CDH13: variants seen among roughly 807,000 people sequenced by gnomAD.
The protein encoded by CDH13 is cadherin-13.
A neutral mutation model predicts 63.8 loss-of-function variants in CDH13; 24 were observed. The ratio of observed to expected loss-of-function variants is 0.38; its 90% CI spans 0.27 to 0.53. CDH13 has a LOEUF of 0.53. Among genes scored for constraint, CDH13 ranks in the 20% least tolerant of loss-of-function variants. The pLI is 0.85. For synonymous variants in CDH13, 503 were observed against 355.3 expected, an observed-to-expected ratio of 1.42 and a Z score of -4.67; for missense variants, 1,049 against 903.1, an observed-to-expected ratio of 1.16 and a Z score of -2.07.
intron 5 of CDH13, among the ~76,000 whole-genome samples, chr16:83,266,601 G>A (rs936990173): frequency 2.6e-5 from 4 of 152,018 alleles, no homozygotes; most frequent in Admixed American, 6.5e-5. Context: ...CACACTCCAG[G>A]GAATACCTAA....
rs981439214 is a variant in CDH13, at chr16:82,782,484, G to A, written c.46-75878G>A. ...GGAGAGTCACTTGAACTCGGGAGGC[G>A]GAGGTTGCAGTGAGCCAAGATCGTA... On this transcript the variant is annotated intron_variant, in intron 1 of 13. Transcript: ENST00000567109. 5.9e-5 allele frequency among the ~76,000 whole-genome samples: 9 copies of A among 151,898 alleles called. No homozygotes were observed. The East Asian group carries it at 7.8e-4, about 13-fold the overall frequency.
intron 1 of CDH13, among the ~76,000 whole-genome samples, chr16:82,679,859 A>G (rs768238871): frequency 6.6e-6 from 1 of 152,238 alleles, no homozygotes; most frequent in Non-Finnish European, 1.5e-5. Flanking sequence ...CAGATGTGGA[A>G]CAAGTTTTTA....
intron 6 of CDH13, among the ~76,000 whole-genome samples, chr16:83,417,235 C>T (rs1189820092): frequency 6.6e-6 from 1 of 152,194 alleles, no homozygotes; most frequent in Non-Finnish European, 1.5e-5. Context: ...TTGACCTGGG[C>T]TTCCCTGCTC....
intron 2 of CDH13, among the ~76,000 whole-genome samples, chr16:82,998,390 G>A (rs187918494): frequency 1.7e-4 from 26 of 152,282 alleles, no homozygotes; most frequent in African/African-American, 3.4e-4. Flanking sequence ...TATCACTTTC[G>A]TGAAGTTCTT....
intron 2 of CDH13, among the ~76,000 whole-genome samples, chr16:82,942,757 G>C (rs1204324071): frequency 3.3e-5 from 5 of 152,182 alleles, no homozygotes; most frequent in Non-Finnish European, 5.9e-5. Flanking sequence ...GAGAACATGT[G>C]ATATGCCCAA....
rs138516363 is a variant in CDH13 at position 83,253,819 on chromosome 16, A to C, written c.636+36322A>C. Among the ~76,000 whole-genome samples the C allele has an allele frequency of 2.5e-4, 38 of 152,372 alleles. No homozygotes were observed. The South Asian group carries it at 3.5e-3, about 14-fold the overall frequency. On this transcript the variant is annotated intron_variant, in intron 5 of 13. Coordinates refer to ENST00000567109, the MANE Select transcript of CDH13 (RefSeq NM_001257.5). ...CAGCTGCCTGTGGACATGTGCAGGC[A>C]CATCCATGTAATATATTAATATAAT...
At chr16:83,286,517 A>T (rs1175767937) in intron 5 of CDH13, among the ~76,000 whole-genome samples, 1 of 152,106 alleles carries the variant, frequency 6.6e-6, no homozygotes, top group Admixed American at 6.5e-5. Flanking sequence ...GCACTTTGGG[A>T]GGCCAAGGCA....
chr16:83,096,185 A>AT (rs1438298634), intron 3 of CDH13, among the ~76,000 whole-genome samples: 3 of 152,214 alleles, frequency 2.0e-5, no homozygotes, highest in African/African-American at 7.2e-5. Context: ...GTACCAGGCT[A>AT]TGTGTGGACT....
chr16:83,212,805 T>C (rs1027475405), intron 4 of CDH13, among the ~76,000 whole-genome samples: 4 of 152,194 alleles, frequency 2.6e-5, no homozygotes, highest in Non-Finnish European at 5.9e-5. Flanking sequence ...CCCTGATTTC[T>C]GATACAAGAG....
chr16:83,637,059 T>C (rs1911327911), intron 8 of CDH13, among the ~76,000 whole-genome samples: 1 of 152,232 alleles, frequency 6.6e-6, no homozygotes, highest in African/African-American at 2.4e-5. Context: ...ATATGTCTTC[T>C]CTTGAGACAT....
At chr16:83,024,120 C>G (rs1041213412) in intron 2 of CDH13, among the ~76,000 whole-genome samples, 2 of 152,094 alleles carry the variant, frequency 1.3e-5, no homozygotes, top group African/African-American at 4.8e-5. Flanking sequence ...ATGAATTTGT[C>G]TAACTGAGGG....
intron 6 of CDH13, among the ~76,000 whole-genome samples, chr16:83,462,179 C>T (rs1051755368): frequency 6.6e-6 from 1 of 152,226 alleles, no homozygotes; most frequent in Non-Finnish European, 1.5e-5. Flanking sequence ...TTCAAGCAGC[C>T]ATGAGCCCCT....
rs565619422 is a variant in CDH13 at position 83,181,545 on chromosome 16, C to G, written c.484-35800C>G. On this transcript the variant is annotated intron_variant, in intron 4 of 13. Transcript: ENST00000567109. ...GCAAAAATACCCTCAGTTATGTCAT[C>G]ATTAAAATGTACATGAGCTAGAATC... Among the ~76,000 whole-genome samples, 106 of 152,288 alleles carry G rather than the reference C, an allele frequency of 7.0e-4. No individual in the cohort carries two copies. The Middle Eastern group carries it at 0.01, about 15-fold the overall frequency.
chr16:82,915,164 G>A (rs1190990184), intron 2 of CDH13, among the ~76,000 whole-genome samples: 2 of 152,230 alleles, frequency 1.3e-5, no homozygotes, highest in East Asian at 3.8e-4. Flanking sequence ...GGTGGTTATA[G>A]CGCTAGTATT....
At chr16:83,716,106 G>A (rs1908854809) in intron 10 of CDH13, among the ~76,000 whole-genome samples, 1 of 152,014 alleles carries the variant, frequency 6.6e-6, no homozygotes, top group Non-Finnish European at 1.5e-5. Flanking sequence ...TGTTTTAATA[G>A]ACTTTGTTTT....
chr16:83,607,725 T>C (rs1458211509), intron 8 of CDH13, among the ~76,000 whole-genome samples: 2 of 152,234 alleles, frequency 1.3e-5, no homozygotes, highest in Non-Finnish European at 2.9e-5. Context: ...TGGAGAGTTT[T>C]CTATAAGTTT....
At chr16:82,846,134 A>G (rs1163855096) in intron 1 of CDH13, among the ~76,000 whole-genome samples, 4 of 152,210 alleles carry the variant, frequency 2.6e-5, no homozygotes, top group African/African-American at 4.8e-5. Flanking sequence ...TTGAACTGGC[A>G]TGCTATGGTG....
intron 6 of CDH13, among the ~76,000 whole-genome samples, chr16:83,357,828 T>C (rs910339213): frequency 6.6e-6 from 1 of 152,180 alleles, no homozygotes; most frequent in Non-Finnish European, 1.5e-5. Context: ...CATTGGTTGG[T>C]ACCTTTTTAT....
chr16:82,745,063 A>T (rs148628302), intron 1 of CDH13, among the ~76,000 whole-genome samples: 198 of 152,308 alleles, frequency 1.3e-3, no homozygotes, highest in African/African-American at 4.6e-3. Context: ...AATCAGCAAA[A>T]GGTTAGAGTT....
Sources: gnomAD v4.1 joint callset for allele counts (sites outside exome capture counted in the v4.1 genomes callset) on GRCh38, gnomAD v4.1.1 for gene constraint, MANE v1.5 for transcripts, NCBI Gene and HGNC (gene_info 2026-07-23, HGNC 2026-07-21) for gene names.